The following CNTLN variants were observed in gnomAD, a reference collection of about 807,000 sequenced individuals.
CNTLN encodes the protein centlein.
A neutral mutation model predicts 180.0 loss-of-function variants in CNTLN; 212 were observed. The observed-to-expected ratio is 1.18, with a 90% CI of 1.05 to 1.32. The LOEUF is 1.32. Among genes scored for constraint, CNTLN ranks in the 40% most tolerant of loss-of-function variants. CNTLN has a pLI of 0.00. For synonymous variants in CNTLN, 722 were observed against 563.1 expected (o/e 1.28, Z -3.99); for missense variants, 2,095 against 1,610.9 (o/e 1.30, Z -5.14).
At chr9:17,305,807 T>A (rs1486479025) in intron 7 of CNTLN, among the ~76,000 whole-genome samples, 1 of 152,174 alleles carries the variant, frequency 6.6e-6, no homozygotes, top group Non-Finnish European at 1.5e-5. Context: ...AACTGAGTGA[T>A]CTCATTACTA....
chr9:17,267,972 ATTGGTTTG>A (rs1827617687), intron 5 of CNTLN, among the ~76,000 whole-genome samples: 5 of 151,296 alleles, frequency 3.3e-5, no homozygotes, highest in Non-Finnish European at 5.9e-5. Context: ...CTTCTTTCCC[ATTGGTTTG>A]AATTTCCTCT....
intron 25 of CNTLN, among the ~76,000 whole-genome samples, chr9:17,501,949 A>C (rs1376394611): frequency 6.6e-6 from 1 of 152,228 alleles, no homozygotes. Context: ...CAGAAAAGTT[A>C]TATAAATTAT....
At chr9:17,366,752 A>C (rs771267750) in intron 13 of CNTLN, 35 bp downstream of exon 13, 1 of 1,117,960 alleles carries the variant, frequency 8.9e-7, no homozygotes, top group South Asian at 1.4e-5. Context: ...TAACAGAGGA[A>C]TTTTAAAATT....
chr9:17,438,207 T>C (rs79693262), intron 18 of CNTLN, among the ~76,000 whole-genome samples: 2 of 152,030 alleles, frequency 1.3e-5, no homozygotes, highest in African/African-American at 4.8e-5. Context: ...GTGATTCTGA[T>C]GTAGAATAAG....
At chr9:17,181,137 T>C (rs2131728564) in intron 2 of CNTLN, among the ~76,000 whole-genome samples, 1 of 152,370 alleles carries the variant, frequency 6.6e-6, no homozygotes, top group Non-Finnish European at 1.5e-5. Context: ...GTATATTTAT[T>C]GACCTGCCTT....
intron 16 of CNTLN, among the ~76,000 whole-genome samples, chr9:17,413,613 A>G (rs1828015383): frequency 6.6e-6 from 1 of 152,208 alleles, no homozygotes; most frequent in Admixed American, 6.5e-5. Flanking sequence ...GATATGAGCA[A>G]ACATTTTACC....
At chr9:17,202,761 A>C (rs1822638444) in intron 2 of CNTLN, among the ~76,000 whole-genome samples, 3 of 149,248 alleles carry the variant, frequency 2.0e-5, no homozygotes, top group Non-Finnish European at 3.0e-5. Flanking sequence ...TCCTGAGTGC[A>C]GCACACCCAT....
At chr9:17,244,926 AAAC>A (rs1371456506) in intron 5 of CNTLN, among the ~76,000 whole-genome samples, 1 of 152,198 alleles carries the variant, frequency 6.6e-6, no homozygotes, top group Non-Finnish European at 1.5e-5. Flanking sequence ...CTCAAAGAGA[AAAC>A]TAATATAAAC....
At chr9:17,263,252 C>G (rs1196282015) in intron 5 of CNTLN, among the ~76,000 whole-genome samples, 2 of 133,814 alleles carry the variant, frequency 1.5e-5, no homozygotes, top group South Asian at 2.4e-4. Flanking sequence ...TCCATGTGAT[C>G]TCATTGTTCA....
At chr9:17,284,211 T>C (rs1331219078) in intron 6 of CNTLN, among the ~76,000 whole-genome samples, 3 of 152,108 alleles carry the variant, frequency 2.0e-5, no homozygotes, top group Non-Finnish European at 4.4e-5. Flanking sequence ...TGCATCAATG[T>C]TCAGGGATAT....
chr9:17,474,532 A>G (rs1438528458), intron 23 of CNTLN, among the ~76,000 whole-genome samples: 1 of 152,158 alleles, frequency 6.6e-6, no homozygotes, highest in African/African-American at 2.4e-5. Flanking sequence ...CTCTTGATCC[A>G]GAACAGTCTT....
intron 8 of CNTLN, among the ~76,000 whole-genome samples, chr9:17,310,608 A>G (rs1300108204): frequency 6.6e-6 from 1 of 152,136 alleles, no homozygotes; most frequent in Non-Finnish European, 1.5e-5. Context: ...ATCCTGGACT[A>G]TAAAGTGTGA....
At chr9:17,148,077 A>T (rs1739463498) in intron 2 of CNTLN, among the ~76,000 whole-genome samples, 1 of 152,216 alleles carries the variant, frequency 6.6e-6, no homozygotes, top group Admixed American at 6.5e-5. Context: ...AATTAGATGC[A>T]AAGACAGAGA....
At chr9:17,429,114 T>C (rs1178635278) in intron 18 of CNTLN, among the ~76,000 whole-genome samples, 1 of 152,034 alleles carries the variant, frequency 6.6e-6, no homozygotes, top group African/African-American at 2.4e-5. Flanking sequence ...TTTATAGTAA[T>C]AATTAAAAAC....
chr9:17,424,243 A>C (rs1375506873), intron 18 of CNTLN, among the ~76,000 whole-genome samples: 1 of 152,198 alleles, frequency 6.6e-6, no homozygotes, highest in Non-Finnish European at 1.5e-5. Flanking sequence ...GTGAACATCA[A>C]GGGATAGAAA....
At chr9:17,298,645 A>G (rs978873621) in intron 7 of CNTLN, 6 of 1,038,042 alleles carry the variant, frequency 5.8e-6, no homozygotes, top group African/African-American at 5.1e-5. Flanking sequence ...CTAGGAGTAT[A>G]GTCTCAAAAC....
intron 6 of CNTLN, 88 bp from the exon 7 acceptor site, chr9:17,298,102 G>C (rs1818077350): frequency 8.9e-7 from 1 of 1,127,974 alleles, no homozygotes; most frequent in East Asian, 2.8e-5. Context: ...AAAACAGGAT[G>C]CCAATCTGTA....
chr9:17,276,634 T>C (rs1384470633), intron 6 of CNTLN, among the ~76,000 whole-genome samples: 1 of 152,028 alleles, frequency 6.6e-6, no homozygotes, highest in Non-Finnish European at 1.5e-5. Flanking sequence ...GTATATACAG[T>C]CATTCCTTGG....
At chr9:17,306,675 A>G (rs1770068862) in intron 7 of CNTLN, among the ~76,000 whole-genome samples, 1 of 152,166 alleles carries the variant, frequency 6.6e-6, no homozygotes, top group Non-Finnish European at 1.5e-5. Flanking sequence ...GGTCATTAGG[A>G]TAGAAGGTAT....
Sources: gnomAD v4.1 joint callset for allele counts (sites outside exome capture counted in the v4.1 genomes callset) on GRCh38, gnomAD v4.1.1 for gene constraint, MANE v1.5 for transcripts, NCBI Gene and HGNC (gene_info 2026-07-23, HGNC 2026-07-21) for gene names.